SNED1: variants seen among roughly 807,000 people sequenced by gnomAD.
The protein encoded by SNED1 is sushi, nidogen and EGF-like domain-containing protein 1.
Under a neutral mutation model 166.7 loss-of-function variants are expected in SNED1, and 81 were observed. The observed-to-expected ratio is 0.49, with a 90% CI of 0.41 to 0.58. The LOEUF (loss-of-function observed/expected upper bound fraction) is 0.58, where lower values mean the gene tolerates loss of function less well. Ranked by LOEUF, SNED1 falls within the 20% of genes least tolerant of loss-of-function variation. The pLI is 0.00. For synonymous variants in SNED1, 762 were observed against 822.0 expected, an observed-to-expected ratio of 0.93 and a Z score of 1.25; for missense variants, 1,604 against 2,000.2, an observed-to-expected ratio of 0.80 and a Z score of 3.78.
intron 1 of SNED1, among the ~76,000 whole-genome samples, chr2:241,008,590 C>T (rs2060292566): frequency 6.6e-6 from 1 of 152,216 alleles, no homozygotes; most frequent in South Asian, 2.1e-4. Context: ...TGGGACACCC[C>T]ATACATCATC....
chr2:241,089,277 C>G (rs2063754204), intron 31 of SNED1: 2 of 1,547,114 alleles, frequency 1.3e-6, no homozygotes, highest in Non-Finnish European at 1.7e-6. Context: ...TATAGGAGCC[C>G]TCACAGTTCA....
rs375085055 is a variant in SNED1 at position 241,028,025 on chromosome 2, G to A, written c.214-2259G>A. Among the ~76,000 whole-genome samples, 71 of 152,220 alleles carry A rather than the reference G, an allele frequency of 4.7e-4. No individual in the cohort carries two copies. In the Middle Eastern group the frequency reaches 0.01, roughly 22 times the overall value. On this transcript the variant is annotated intron_variant, in intron 1 of 31. Transcript: ENST00000310397. ...TGGGATTACAGGCGTGAGCCACCGCGCCGGGCCAGGTTTGTTTTTTTAATA... is the reference window on the plus strand; with the variant it reads ...TGGGATTACAGGCGTGAGCCACCGCACCGGGCCAGGTTTGTTTTTTTAATA...
chr2:241,030,817 CAG>C (rs2061145342), intron 2 of SNED1, among the ~76,000 whole-genome samples: 1 of 152,238 alleles, frequency 6.6e-6, no homozygotes, highest in Non-Finnish European at 1.5e-5. Flanking sequence ...GCTCACATGT[CAG>C]AGAGAGGTGT....
At chr2:241,040,527 C>A (rs895603465) in intron 8 of SNED1, 114 bp downstream of exon 8, 4 of 684,338 alleles carry the variant, frequency 5.8e-6, no homozygotes, top group African/African-American at 3.6e-5. Flanking sequence ...TCACACCTGT[C>A]TCTGGGGTGG....
At chr2:241,007,548 A>T (rs2060254498) in intron 1 of SNED1, among the ~76,000 whole-genome samples, 1 of 152,198 alleles carries the variant, frequency 6.6e-6, no homozygotes, top group African/African-American at 2.4e-5. Flanking sequence ...CTCAGTAAAT[A>T]ACTATTGTTC....
chr2:241,003,765 G>T (rs1216171347), intron 1 of SNED1, among the ~76,000 whole-genome samples: 1 of 152,350 alleles, frequency 6.6e-6, no homozygotes, highest in African/African-American at 2.4e-5. Context: ...GAGACTCACA[G>T]GGAAGACAGG....
intron 1 of SNED1, among the ~76,000 whole-genome samples, chr2:241,003,375 G>C (rs533774092): frequency 4.7e-4 from 71 of 152,318 alleles, no homozygotes; most frequent in Non-Finnish European, 8.2e-4. Context: ...TTCCACCCCT[G>C]CTGAGGCCAG....
chr2:241,032,606 C>T (rs931663492), intron 2 of SNED1, among the ~76,000 whole-genome samples: 4 of 152,074 alleles, frequency 2.6e-5, no homozygotes, highest in African/African-American at 9.7e-5. Flanking sequence ...GCACGTTGTG[C>T]ACATGTACCC....
At position 241,052,017 on chromosome 2, in the gene SNED1, C is replaced by T. The variant is rs758966830; in HGVS notation, c.1853-24C>T. The stretch of plus-strand genomic sequence containing the variant: ...ACGTGGGAGGGGCAGTGGGCTGTGA[C>T]CCTGACCTGGCTTCTGTTTCCAGGG... On this transcript the variant is annotated intron_variant, in intron 13 of 31. Transcript: ENST00000310397. 1.9e-6 allele frequency: 3 copies of T among 1,605,740 alleles called. No individual in the cohort carries two copies. The Admixed American group carries it at 5.0e-5, about 27-fold the overall frequency.
intron 16 of SNED1, among the ~76,000 whole-genome samples, chr2:241,057,380 A>AAAAAAAATATATATATAT (rs377141068): frequency 8.5e-5 from 10 of 118,130 alleles, no homozygotes; most frequent in African/African-American, 3.8e-4. Context: ...TCCATCTCAA[A>AAAAAAAATATATATATAT]ATATATATAT....
At position 241,065,357 on chromosome 2, in the gene SNED1, C is replaced by T; in HGVS notation, c.2772C>T (p.Ile924=). The T allele has an allele frequency of 1.9e-6, 3 of 1,613,134 alleles. No individual in the cohort carries two copies. The highest frequency in any genetic ancestry group is 2.5e-6 in the Non-Finnish European group (3 of 1,179,862). The change falls in exon 21 of 32, where the codon ATC becomes ATT. Residue 924 remains isoleucine, a synonymous_variant. Coordinates refer to ENST00000310397, the MANE Select transcript of SNED1 (RefSeq NM_001080437.3). The part of the protein sequence containing the change: ...MERVEESGVS[I]SWNPPNGPAA... ...GAGTGGAGGAGAGTGGGGTCTCTATCTCCTGGAACCCGCCCAATGGTCCAG... is the reference window on the plus strand; with the variant it reads ...GAGTGGAGGAGAGTGGGGTCTCTATTTCCTGGAACCCGCCCAATGGTCCAG...
chr2:241,061,839 G>A (rs539084447), intron 16 of SNED1, among the ~76,000 whole-genome samples: 155 of 144,806 alleles, frequency 1.1e-3, no homozygotes, highest in African/African-American at 3.2e-3. Context: ...GGCAACGAGC[G>A]AAACTCCATC....
rs975478368 is a variant in SNED1, at chr2:241,013,833, C to T, written c.213+14783C>T. 1.3e-5 allele frequency among the ~76,000 whole-genome samples: 2 copies of T among 152,242 alleles called. No individual in the cohort carries two copies. The highest frequency in any genetic ancestry group is 2.9e-5 in the Non-Finnish European group (2 of 68,022). Reference sequence around the variant, plus strand: ...ACCACATTTTGTTTATCCATTCATCCGTCAGCAAACACTTAGGTTGAGTCT... The same window carrying T: ...ACCACATTTTGTTTATCCATTCATCTGTCAGCAAACACTTAGGTTGAGTCT... On this transcript the variant is annotated intron_variant, in intron 1 of 31. Coordinates refer to ENST00000310397, the MANE Select transcript of SNED1 (RefSeq NM_001080437.3). This position sits in a 1 kb window ranked among gnomAD's most constrained non-coding sequence, Gnocchi z 4.6.
At chr2:241,055,660 C>G (rs1424965593) in intron 16 of SNED1, among the ~76,000 whole-genome samples, 1 of 152,188 alleles carries the variant, frequency 6.6e-6, no homozygotes, top group Non-Finnish European at 1.5e-5. Context: ...GCTGCAGGGG[C>G]AAGCACAATG....
At chr2:241,050,007 T>C in intron 12 of SNED1, 74 bp downstream of exon 12, 1 of 1,074,858 alleles carries the variant, frequency 9.3e-7, no homozygotes, top group Non-Finnish European at 1.4e-6. Context: ...CCTGCTTCTC[T>C]GCTGTCTCTC....
intron 1 of SNED1, among the ~76,000 whole-genome samples, chr2:241,011,996 G>A (rs896290707): frequency 2.6e-5 from 4 of 152,346 alleles, no homozygotes; most frequent in African/African-American, 7.2e-5. Context: ...AAGCTGGAGC[G>A]GGGCAGGCGG....
intron 1 of SNED1, among the ~76,000 whole-genome samples, chr2:241,009,849 C>T (rs944852018): frequency 5.9e-5 from 9 of 152,118 alleles, no homozygotes; most frequent in African/African-American, 2.2e-4. Context: ...GAGGCCTAGC[C>T]CAGTATTGCC....
At position 241,051,412 on chromosome 2, in the gene SNED1, G is replaced by A. The variant is rs564856998; in HGVS notation, c.1736-332G>A. On this transcript the variant is annotated intron_variant, in intron 12 of 31. Transcript: ENST00000310397. The surrounding 1 kb of genome is among the most constrained non-coding windows in gnomAD (Gnocchi z 4.7). Reference sequence around the variant, plus strand: ...GCTTCCTGTCAGATGGGGAATGCCCGTGTGCAGGAGGGAGGGAGTGCTGCG... The same window carrying A: ...GCTTCCTGTCAGATGGGGAATGCCCATGTGCAGGAGGGAGGGAGTGCTGCG... The A allele has an allele frequency of 3.5e-5, 9 of 260,022 alleles. No homozygotes were observed. The highest frequency in any genetic ancestry group is 1.4e-4 in the East Asian group (2 of 14,664). The allele number at this position is 260,022 out of a possible 1,614,324, so 16.1% of individuals were successfully genotyped here. A position where few individuals can be genotyped will look rare whatever the true frequency, so the allele number is the denominator to read the frequency against.
Position 240,999,984 on chromosome 2 carries a change from C to A in SNED1, c.213+934C>A, listed in dbSNP as rs1473916497. 6.6e-6 allele frequency among the ~76,000 whole-genome samples: 1 copy of A among 152,170 alleles called. No individual in the cohort carries two copies. The highest frequency in any genetic ancestry group is 1.5e-5 in the Non-Finnish European group (1 of 68,020). Reference sequence around the variant, plus strand: ...CACCTCCACCATCAGCCCTCTCATACCCTCGCCCACCTCCAGCCTCAACCC... The same window carrying A: ...CACCTCCACCATCAGCCCTCTCATAACCTCGCCCACCTCCAGCCTCAACCC... On this transcript the variant is annotated intron_variant, in intron 1 of 31. Coordinates refer to ENST00000310397, the MANE Select transcript of SNED1 (RefSeq NM_001080437.3). The surrounding 1 kb of genome is among the most constrained non-coding windows in gnomAD (Gnocchi z 5.8).
Sources: gnomAD v4.1 joint callset for allele counts (sites outside exome capture counted in the v4.1 genomes callset) on GRCh38, gnomAD v4.1.1 for gene constraint, Gnocchi (gnomAD v3.1) non-coding constraint, MANE v1.5 for transcripts, NCBI Gene and HGNC (gene_info 2026-07-23, HGNC 2026-07-21) for gene names.